The following KCND3 variants were observed in gnomAD, a reference collection of about 807,000 sequenced individuals.
KCND3 encodes the protein A-type voltage-gated potassium channel KCND3.
In KCND3, 9 loss-of-function variants were observed where a neutral mutation model predicts 51.1. The ratio of observed to expected loss-of-function variants is 0.18; its 90% CI spans 0.11 to 0.31. KCND3 has a LOEUF of 0.31. Ranked by LOEUF, KCND3 falls within the 10% of genes least tolerant of loss-of-function variation. KCND3 has a pLI of 1.00. For missense variants in KCND3, 526 were observed against 903.8 expected, an observed-to-expected ratio of 0.58 and a Z score of 5.36; for synonymous variants, 349 against 368.0, an observed-to-expected ratio of 0.95 and a Z score of 0.59.
intron 2 of KCND3, among the ~76,000 whole-genome samples, chr1:111,971,320 A>G (rs1674318518): frequency 6.6e-6 from 1 of 151,348 alleles, no homozygotes; most frequent in South Asian, 2.1e-4. Flanking sequence ...AAACACCACA[A>G]AACAAACAAA....
intron 2 of KCND3, among the ~76,000 whole-genome samples, chr1:111,925,233 A>G (rs1236896356): frequency 6.6e-6 from 1 of 152,190 alleles, no homozygotes; most frequent in Non-Finnish European, 1.5e-5. Flanking sequence ...AGGTACTATG[A>G]GATGTATTGA....
At chr1:111,798,302 T>A (rs1034846249) in intron 2 of KCND3, among the ~76,000 whole-genome samples, 1 of 152,168 alleles carries the variant, frequency 6.6e-6, no homozygotes, top group Non-Finnish European at 1.5e-5. Flanking sequence ...CCTCTCTCTC[T>A]CTCTTTGCTA....
At chr1:111,787,184 C>G (rs1664639343) in intron 2 of KCND3, 78 bp from the exon 3 acceptor site, 1 of 1,418,514 alleles carries the variant, frequency 7.0e-7, no homozygotes, top group Admixed American at 1.8e-5. Context: ...GCCAATCATT[C>G]ACCTGTTTAT....
At chr1:111,794,362 G>A (rs1425706232) in intron 2 of KCND3, among the ~76,000 whole-genome samples, 1 of 152,216 alleles carries the variant, frequency 6.6e-6, no homozygotes, top group Non-Finnish European at 1.5e-5. Context: ...TCAGGTGGGG[G>A]CACGGCTGCC....
chr1:111,829,682 G>A (rs188209655), intron 2 of KCND3, among the ~76,000 whole-genome samples: 8 of 152,104 alleles, frequency 5.3e-5, no homozygotes, highest in East Asian at 1.9e-4. Context: ...CCAATCCCTC[G>A]TCCCGCCCTC....
intron 2 of KCND3, among the ~76,000 whole-genome samples, chr1:111,912,187 A>G (rs1670982968): frequency 6.6e-6 from 1 of 152,254 alleles, no homozygotes; most frequent in Non-Finnish European, 1.5e-5. Flanking sequence ...AGGTTTCATG[A>G]TACAGTTGTG....
intron 2 of KCND3, among the ~76,000 whole-genome samples, chr1:111,919,756 C>T (rs570653197): frequency 6.6e-6 from 1 of 152,312 alleles, no homozygotes; most frequent in East Asian, 1.9e-4. Flanking sequence ...GTCCCCTCAG[C>T]AACACTCTTA....
chr1:111,775,316 G>A lies in KCND3; in HGVS notation c.*761C>T, dbSNP rs934913476. 5.2e-5 allele frequency: 8 copies of A among 153,558 alleles called. 1 individual carries two copies. The highest frequency in any genetic ancestry group is 1.7e-4 in the African/African-American group (7 of 41,444). 9.5% of individuals were successfully genotyped at this position (153,558 alleles called of 1,614,324 possible). On this transcript the variant is annotated 3_prime_UTR_variant, in exon 8 of 8. Coordinates refer to ENST00000302127, the MANE Select transcript of KCND3 (RefSeq NM_001378969.1). Reference sequence around the variant, plus strand: ...TAAGCAGAGAGGTACAGAGACAAGGGAGACAGGGACAGACAAAGGGTAAGG... The same window carrying A: ...TAAGCAGAGAGGTACAGAGACAAGGAAGACAGGGACAGACAAAGGGTAAGG...
chr1:111,840,604 G>C lies in KCND3; in HGVS notation c.1107-53498C>G, dbSNP rs182894939. 2.2e-4 allele frequency among the ~76,000 whole-genome samples: 33 copies of C among 151,750 alleles called. No homozygotes were observed. In the East Asian group the frequency reaches 6.2e-3, roughly 28 times the overall value. On this transcript the variant is annotated intron_variant, in intron 2 of 7. Coordinates refer to ENST00000302127, the MANE Select transcript of KCND3 (RefSeq NM_001378969.1). Reference sequence around the variant, plus strand: ...CAGAAATTTGTAAGTCATTGTTTTTGATGTATCTTTTCTTAGGTGGGCACG... The same window carrying C: ...CAGAAATTTGTAAGTCATTGTTTTTCATGTATCTTTTCTTAGGTGGGCACG...
chr1:111,843,913 T>G (rs960225299), intron 2 of KCND3, among the ~76,000 whole-genome samples: 1 of 152,182 alleles, frequency 6.6e-6, no homozygotes, highest in African/African-American at 2.4e-5. Flanking sequence ...TTATGTTCTC[T>G]GGGACTTTGG....
chr1:111,901,997 G>A (rs1670406214), intron 2 of KCND3, among the ~76,000 whole-genome samples: 1 of 152,240 alleles, frequency 6.6e-6, no homozygotes, highest in Non-Finnish European at 1.5e-5. Context: ...ACAAAGCTGA[G>A]TAAGATCCCA....
chr1:111,858,694 C>T (rs74109710), intron 2 of KCND3, among the ~76,000 whole-genome samples: 1 of 152,084 alleles, frequency 6.6e-6, no homozygotes, highest in African/African-American at 2.4e-5. Context: ...ACTGAAAGTC[C>T]CCCATCCCAG....
chr1:111,836,318 C>T (rs1038375532), intron 2 of KCND3, among the ~76,000 whole-genome samples: 3 of 152,208 alleles, frequency 2.0e-5, no homozygotes, highest in Admixed American at 6.5e-5. Context: ...ACAGTCCCTG[C>T]GGGCAGCTTG....
At position 111,931,103 on chromosome 1, in the gene KCND3, C is replaced by T. The variant is rs1386620238; in HGVS notation, c.1106+50518G>A. On this transcript the variant is annotated intron_variant, in intron 2 of 7. Transcript: ENST00000302127. ...AGAGTGTCTACAGTATACTCTGCCT[C>T]GTATGAGAAGGAGAGGGATGTAAGA... is the stretch of plus-strand genomic sequence containing the variant. Among the ~76,000 whole-genome samples the T allele has an allele frequency of 2.6e-5, 4 of 152,094 alleles. 1 individual carries two copies. In the South Asian group the frequency reaches 6.2e-4, roughly 24 times the overall value.
chr1:111,987,473 G>A (rs1315940534), intron 1 of KCND3, among the ~76,000 whole-genome samples: 5 of 152,194 alleles, frequency 3.3e-5, no homozygotes, highest in African/African-American at 1.2e-4. Flanking sequence ...ACCAAAAAAG[G>A]AGCAATTACC....
Position 111,780,355 on chromosome 1 carries a change from C to T in KCND3, c.1372-41G>A. ...GAGAGATTGAGTAAAAAGCTGGTGGCTCTTCCCCTCTCCAGCTCCTTCATT... is the reference window on the plus strand; with the variant it reads ...GAGAGATTGAGTAAAAAGCTGGTGGTTCTTCCCCTCTCCAGCTCCTTCATT... On this transcript the variant is annotated intron_variant, in intron 4 of 7. Coordinates refer to ENST00000302127, the MANE Select transcript of KCND3 (RefSeq NM_001378969.1). The surrounding 1 kb of genome is among the most constrained non-coding windows in gnomAD (Gnocchi z 4.2). 6.7e-7 allele frequency: 1 copy of T among 1,496,954 alleles called. No individual in the cohort carries two copies. Among genetic ancestry groups the T allele is most frequent in the East Asian group, 2.5e-5 (1 of 40,760 alleles). 92.7% of individuals were successfully genotyped at this position (1,496,954 alleles called of 1,614,324 possible).
At chr1:111,799,365 A>G (rs1286530047) in intron 2 of KCND3, among the ~76,000 whole-genome samples, 2 of 152,274 alleles carry the variant, frequency 1.3e-5, no homozygotes, top group African/African-American at 4.8e-5. Flanking sequence ...AAGATTAGCA[A>G]GCAACAGAAC....
intron 2 of KCND3, among the ~76,000 whole-genome samples, chr1:111,885,676 A>ATT (rs879429845): frequency 7.0e-6 from 1 of 143,508 alleles, no homozygotes; most frequent in Non-Finnish European, 1.5e-5. Flanking sequence ...ACATTTTGTG[A>ATT]TTTTTTTTTT....
chr1:111,986,231 C>T (rs1675276593), intron 1 of KCND3, among the ~76,000 whole-genome samples: 1 of 152,224 alleles, frequency 6.6e-6, no homozygotes, highest in Non-Finnish European at 1.5e-5. Context: ...GTCTGAGACA[C>T]TTTTACACAC....
Sources: gnomAD v4.1 joint callset for allele counts (sites outside exome capture counted in the v4.1 genomes callset) on GRCh38, gnomAD v4.1.1 for gene constraint, Gnocchi (gnomAD v3.1) non-coding constraint, MANE v1.5 for transcripts, NCBI Gene and HGNC (gene_info 2026-07-23, HGNC 2026-07-21) for gene names.